The following PLEKHA5 variants were observed in gnomAD, a reference collection of about 807,000 sequenced individuals.
The protein encoded by PLEKHA5 is pleckstrin homology domain-containing family A member 5.
PLEKHA5 carries 55 observed loss-of-function variants against 181.9 expected under a neutral mutation model. That is an observed-to-expected ratio of 0.30 (90% CI 0.24 to 0.38). The LOEUF (loss-of-function observed/expected upper bound fraction) is 0.38. Ranked by LOEUF, PLEKHA5 falls within the 10% of genes least tolerant of loss-of-function variation. The pLI is 1.00. For synonymous variants in PLEKHA5, 535 were observed against 529.4 expected (o/e 1.01, Z -0.15); for missense variants, 1,432 against 1,549.5 (o/e 0.92, Z 1.27).
chr12:19,169,281 G>C (rs1363480471), intron 3 of PLEKHA5, among the ~76,000 whole-genome samples: 1 of 151,872 alleles, frequency 6.6e-6, no homozygotes, highest in Non-Finnish European at 1.5e-5. Flanking sequence ...AAAAAAAGAG[G>C]GTTGTAAACT....
At chr12:19,170,944 A>AT (rs2045754525) in intron 3 of PLEKHA5, among the ~76,000 whole-genome samples, 1 of 152,196 alleles carries the variant, frequency 6.6e-6, no homozygotes, top group Non-Finnish European at 1.5e-5. Flanking sequence ...GTCTGTTACC[A>AT]TTGTGTCTTT....
intron 3 of PLEKHA5, among the ~76,000 whole-genome samples, chr12:19,226,187 C>A (rs899025555): frequency 2.0e-5 from 3 of 152,094 alleles, no homozygotes; most frequent in African/African-American, 7.2e-5. Flanking sequence ...AAATGAAATT[C>A]TACAATATGT....
chr12:19,189,583 G>A (rs752518565), intron 3 of PLEKHA5, among the ~76,000 whole-genome samples: 4 of 152,090 alleles, frequency 2.6e-5, no homozygotes, highest in Non-Finnish European at 4.4e-5. Flanking sequence ...CAAGAGATTC[G>A]TTTTTGGTAG....
intron 3 of PLEKHA5, among the ~76,000 whole-genome samples, chr12:19,198,241 G>A (rs2053393640): frequency 6.6e-6 from 1 of 152,174 alleles, no homozygotes; most frequent in Non-Finnish European, 1.5e-5. Context: ...TATCTGACTT[G>A]TAAGTCTAAC....
intron 26 of PLEKHA5, among the ~76,000 whole-genome samples, chr12:19,355,938 G>A (rs898424476): frequency 2.0e-5 from 3 of 151,950 alleles, no homozygotes; most frequent in Non-Finnish European, 4.4e-5. Flanking sequence ...AGGCTGGCAG[G>A]CAGATCATTT....
intron 7 of PLEKHA5, among the ~76,000 whole-genome samples, chr12:19,263,819 C>G (rs2069364053): frequency 6.6e-6 from 1 of 152,238 alleles, no homozygotes; most frequent in South Asian, 2.1e-4. Context: ...AAGGAAATGG[C>G]AGAGACAAAA....
rs189894028 is a variant in PLEKHA5 at position 19,177,528 on chromosome 12, C to G, written c.227+45078C>G. Among the ~76,000 whole-genome samples the G allele has an allele frequency of 1.9e-3, 296 of 152,302 alleles. 1 individual carries two copies. Among genetic ancestry groups the G allele is most frequent in the Non-Finnish European group, 3.2e-3 (220 of 68,016 alleles). On this transcript the variant is annotated intron_variant, in intron 3 of 31. Coordinates refer to ENST00000429027, the MANE Select transcript of PLEKHA5 (RefSeq NM_001256470.2). ...TTTGAAAGGGTCAAAGCCTTTGGAT[C>G]AGTTCCCACTGCAACACATCTAATA...
At chr12:19,175,385 G>T (rs930127848) in intron 3 of PLEKHA5, among the ~76,000 whole-genome samples, 4 of 152,068 alleles carry the variant, frequency 2.6e-5, no homozygotes, top group African/African-American at 9.7e-5. Flanking sequence ...AAATTAACCA[G>T]ACTTTTTTCA....
chr12:19,306,626 G>T, intron 15 of PLEKHA5: 1 of 1,086,332 alleles, frequency 9.2e-7, no homozygotes. Context: ...TGGCGGCGGT[G>T]GAGGCGGCGG....
intron 3 of PLEKHA5, among the ~76,000 whole-genome samples, chr12:19,232,035 A>G (rs929517031): frequency 2.0e-5 from 3 of 152,140 alleles, no homozygotes; most frequent in Admixed American, 6.5e-5. Flanking sequence ...GAAAACAAGG[A>G]CACGGGGAAG....
Position 19,163,602 on chromosome 12 carries a change from A to G in PLEKHA5, c.227+31152A>G, listed in dbSNP as rs1051991654. Among the ~76,000 whole-genome samples, 7 of 152,264 alleles carry G rather than the reference A, an allele frequency of 4.6e-5. No individual in the cohort carries two copies. The South Asian group carries it at 1.2e-3, about 27-fold the overall frequency. ...CCGCTGTCCATCACTGATGTGTTTCAGTGTCCTGGAAAACTATGTTTAACT... is the reference window on the plus strand; with the variant it reads ...CCGCTGTCCATCACTGATGTGTTTCGGTGTCCTGGAAAACTATGTTTAACT... On this transcript the variant is annotated intron_variant, in intron 3 of 31. Transcript: ENST00000429027.
At chr12:19,132,484 A>T (rs542508651) in intron 3 of PLEKHA5, 34 bp downstream of exon 3, 1 of 1,099,528 alleles carries the variant, frequency 9.1e-7, no homozygotes, top group East Asian at 2.4e-5. Context: ...TTTCCTTCGT[A>T]ATTAGAATGC....
At chr12:19,211,342 T>G (rs568642268) in intron 3 of PLEKHA5, among the ~76,000 whole-genome samples, 81 of 152,226 alleles carry the variant, frequency 5.3e-4, no homozygotes, top group Admixed American at 1.2e-3. Flanking sequence ...AGATGAGGTT[T>G]TCCTTGATCT....
intron 3 of PLEKHA5, among the ~76,000 whole-genome samples, chr12:19,184,785 A>G (rs2049432340): frequency 1.3e-5 from 2 of 152,194 alleles, no homozygotes; most frequent in South Asian, 4.1e-4. Context: ...TTAGCCTGGA[A>G]ATGAATATTT....
chr12:19,159,890 A>G (rs1215834566), intron 3 of PLEKHA5, among the ~76,000 whole-genome samples: 1 of 152,160 alleles, frequency 6.6e-6, no homozygotes, highest in Non-Finnish European at 1.5e-5. Context: ...ATGCATGGTC[A>G]TGCATAATTA....
chr12:19,147,526 A>G (rs2039220761), intron 3 of PLEKHA5, among the ~76,000 whole-genome samples: 1 of 152,164 alleles, frequency 6.6e-6, no homozygotes, highest in African/African-American at 2.4e-5. Context: ...CCCAGGAGTG[A>G]CTATGAAAAG....
intron 11 of PLEKHA5, among the ~76,000 whole-genome samples, chr12:19,280,410 T>C (rs913664420): frequency 1.3e-5 from 2 of 152,142 alleles, no homozygotes; most frequent in African/African-American, 2.4e-5. Context: ...AAAAGAGAGC[T>C]CTTATATCCA....
chr12:19,250,832 A>T (rs2065082011), intron 3 of PLEKHA5, among the ~76,000 whole-genome samples: 1 of 152,154 alleles, frequency 6.6e-6, no homozygotes, highest in South Asian at 2.1e-4. Context: ...TTGCAAAAAT[A>T]TAGCATGTGT....
chr12:19,220,074 TA>T (rs1304723081), intron 3 of PLEKHA5, among the ~76,000 whole-genome samples: 1 of 152,100 alleles, frequency 6.6e-6, no homozygotes, highest in African/African-American at 2.4e-5. Context: ...AACTTTTAAC[TA>T]GAAACTTTTC....
Sources: gnomAD v4.1 joint callset for allele counts (sites outside exome capture counted in the v4.1 genomes callset) on GRCh38, gnomAD v4.1.1 for gene constraint, MANE v1.5 for transcripts, NCBI Gene and HGNC (gene_info 2026-07-23, HGNC 2026-07-21) for gene names.